LNX1: variants seen among roughly 807,000 people sequenced by gnomAD.
The protein encoded by LNX1 is E3 ubiquitin-protein ligase LNX.
LNX1 carries 54 observed loss-of-function variants against 68.4 expected under a neutral mutation model. The observed-to-expected ratio is 0.79, with a 90% confidence interval of 0.63 to 0.99. The LOEUF is 0.99. LNX1 is among the 50% of genes least tolerant of loss of function. The pLI is 0.00. For missense variants in LNX1, 906 were observed against 926.4 expected (o/e 0.98, Z 0.29); for synonymous variants, 336 against 350.0 (o/e 0.96, Z 0.45).
chr4:53,574,100 CAAG>C lies in LNX1; in HGVS notation c.-86-15_-86-13del. The stretch of plus-strand genomic sequence containing the variant: ...AGACATCCACACACCTAAAAAAGAA[CAAG>C]AAGGCTCACCTTTGCTTCCCAGCAC... On this transcript the variant is annotated splice_polypyrimidine_tract_variant and intron_variant, in intron 1 of 10. Transcript: ENST00000263925. The C allele has an allele frequency of 6.8e-7, 1 of 1,472,920 alleles. No individual in the cohort carries two copies. Among genetic ancestry groups the C allele is most frequent in the Non-Finnish European group, 9.0e-7 (1 of 1,112,280 alleles). The allele number at this position is 1,472,920 out of a possible 1,614,324, so 91.2% of individuals were successfully genotyped here.
chr4:53,540,848 G>T (rs1728709722), intron 2 of LNX1, among the ~76,000 whole-genome samples: 1 of 152,000 alleles, frequency 6.6e-6, no homozygotes, highest in South Asian at 2.1e-4. Context: ...AAAATAAATG[G>T]CAGGAGAGCT....
At chr4:53,558,038 T>C in intron 2 of LNX1, 1 of 1,596,116 alleles carries the variant, frequency 6.3e-7, no homozygotes, top group Non-Finnish European at 8.5e-7. Context: ...GCCAAGCTCC[T>C]TTAAGCAAAC....
intron 7 of LNX1, 64 bp from the exon 8 acceptor site, chr4:53,478,806 A>G (rs1723736993): frequency 6.6e-7 from 1 of 1,510,090 alleles, no homozygotes; most frequent in Admixed American, 2.0e-5. Flanking sequence ...TTGAATGTAG[A>G]AAATGCAAAG....
At chr4:53,501,885 T>C (rs1725530207) in intron 4 of LNX1, 1 of 152,204 alleles carries the variant, frequency 6.6e-6, no homozygotes, top group Admixed American at 6.6e-5. Context: ...TCTCTCCCAC[T>C]CCAGCCCGCC....
intron 2 of LNX1, among the ~76,000 whole-genome samples, chr4:53,552,753 C>T (rs1221227303): frequency 1.4e-5 from 2 of 145,124 alleles, no homozygotes; most frequent in Admixed American, 7.2e-5. Flanking sequence ...TGCTTGAACC[C>T]GGGAGATGGA....
chr4:53,597,680 C>A lies in LNX1; in HGVS notation c.-214-6165G>T, dbSNP rs75039427. On this transcript the variant is annotated intron_variant, in intron 2 of 3. Coordinates refer to the LNX1 transcript ENST00000504299. ...GATTTCTGTCTAGGAGGCTGCCATG[C>A]CTACATCTGCCCAGTCTGAGTGCCT... Among the ~76,000 whole-genome samples, 322 of 152,314 alleles carry A rather than the reference C, an allele frequency of 2.1e-3. 2 individuals are homozygous for A. Among genetic ancestry groups the A allele is most frequent in the African/African-American group, 7.5e-3 (310 of 41,570 alleles).
chr4:53,464,043 G>C (rs905260145), intron 9 of LNX1, among the ~76,000 whole-genome samples: 5 of 151,960 alleles, frequency 3.3e-5, no homozygotes, highest in African/African-American at 1.2e-4. Flanking sequence ...ATTTTTCATT[G>C]CTAAGTGGTA....
At chr4:53,479,274 A>G (rs1723764437) in intron 7 of LNX1, among the ~76,000 whole-genome samples, 1 of 152,186 alleles carries the variant, frequency 6.6e-6, no homozygotes, top group African/African-American at 2.4e-5. Context: ...GTGAGTCAGC[A>G]TTTCAAAAAC....
rs1050725798 is a variant in LNX1 at position 53,591,302 on chromosome 4, A to G, written c.-87+86T>C. 5 of 833,686 alleles carry G rather than the reference A, an allele frequency of 6.0e-6. No homozygotes were observed. In the African/African-American group the frequency reaches 9.2e-5, roughly 15 times the overall value. 51.6% of individuals were successfully genotyped at this position (833,686 alleles called of 1,614,324 possible). A position where few individuals can be genotyped will look rare whatever the true frequency, so the allele number is the denominator to read the frequency against. On this transcript the variant is annotated intron_variant, in intron 1 of 10. Coordinates refer to ENST00000263925, the MANE Select transcript of LNX1 (RefSeq NM_001126328.3). ...ACTAGCGACAAGCCGTTCAGCTTGT[A>G]TTTTTTCATTCAAATTCCGTGTTCA... is the stretch of plus-strand genomic sequence containing the variant.
At chr4:53,493,420 C>A (rs1284428023) in intron 6 of LNX1, among the ~76,000 whole-genome samples, 4 of 152,212 alleles carry the variant, frequency 2.6e-5, no homozygotes, top group African/African-American at 4.8e-5. Context: ...TAAGGTACCA[C>A]GTGTGTTTTC....
intron 1 of LNX1, among the ~76,000 whole-genome samples, chr4:53,578,569 C>T (rs1418239297): frequency 6.6e-6 from 1 of 152,138 alleles, no homozygotes; most frequent in Non-Finnish European, 1.5e-5. Flanking sequence ...TTATGGGGTC[C>T]ATGACTGTAG....
Position 53,460,707 on chromosome 4 carries a change from T to TG in LNX1, c.*199dup, listed in dbSNP as rs1560601719. ...TAGAGTAATGAGAAATCCTCCACAC[T>TG]GAAAAAAAACTAGTAGTTTTAATTT... On this transcript the variant is annotated 3_prime_UTR_variant, in exon 11 of 11. Coordinates refer to ENST00000263925, the MANE Select transcript of LNX1 (RefSeq NM_001126328.3). 1.9e-6 allele frequency: 1 copy of TG among 529,344 alleles called. No homozygotes were observed. The highest frequency in any genetic ancestry group is 3.2e-6 in the Non-Finnish European group (1 of 309,142). 32.8% of individuals were successfully genotyped at this position (529,344 alleles called of 1,614,324 possible).
intron 2 of LNX1, among the ~76,000 whole-genome samples, chr4:53,612,656 C>CA (rs113885098): frequency 6.0e-5 from 9 of 151,176 alleles, no homozygotes; most frequent in African/African-American, 2.2e-4. Context: ...CCTGTCTCTA[C>CA]AAAAAAATAC....
At chr4:53,529,669 TGA>T (rs1316627439) in intron 2 of LNX1, among the ~76,000 whole-genome samples, 1 of 152,074 alleles carries the variant, frequency 6.6e-6, no homozygotes, top group African/African-American at 2.4e-5. Flanking sequence ...TCCCAGAGTG[TGA>T]GAGAGTCAGG....
chr4:53,615,003 A>T (rs1046239369), intron 2 of LNX1, among the ~76,000 whole-genome samples: 10 of 152,150 alleles, frequency 6.6e-5, no homozygotes, highest in African/African-American at 2.4e-4. Flanking sequence ...GAGAATGAGA[A>T]TAAAATATAT....
intron 1 of LNX1, among the ~76,000 whole-genome samples, chr4:53,577,695 G>A (rs1471802741): frequency 2.0e-5 from 3 of 152,014 alleles, no homozygotes; most frequent in African/African-American, 7.3e-5. Context: ...GGTTACAGAT[G>A]TGAGCCACCA....
chr4:53,545,712 G>T (rs542321809), intron 2 of LNX1, among the ~76,000 whole-genome samples: 5 of 151,980 alleles, frequency 3.3e-5, no homozygotes, highest in Non-Finnish European at 7.4e-5. Flanking sequence ...CTGATTTAAG[G>T]ATGAGAGGCT....
At chr4:53,644,316 G>A (rs1222742370) in intron 1 of LNX1, among the ~76,000 whole-genome samples, 2 of 152,036 alleles carry the variant, frequency 1.3e-5, no homozygotes, top group Admixed American at 6.5e-5. Context: ...CACGAAAATC[G>A]CTTGAACCCA....
chr4:53,523,312 C>T (rs992866826), intron 2 of LNX1: 11 of 152,152 alleles, frequency 7.2e-5, no homozygotes, highest in Admixed American at 7.2e-4. Flanking sequence ...AGGTATCACT[C>T]TGAAGACAAG....
Sources: allele counts gnomAD v4.1 joint callset (sites outside exome capture counted in the v4.1 genomes callset), GRCh38; gene constraint gnomAD v4.1.1; transcripts MANE v1.5; gene names NCBI Gene and HGNC (gene_info 2026-07-23, HGNC 2026-07-21).